Variants in TBC1D19 observed in about 807,000 individuals in gnomAD.
TBC1D19 encodes the protein TBC1 domain family, member 19.
A neutral mutation model predicts 89.0 loss-of-function variants in TBC1D19; 60 were observed. That is an observed-to-expected ratio of 0.67 (90% CI 0.55 to 0.84). TBC1D19 has a LOEUF of 0.84. TBC1D19 is among the 40% of genes least tolerant of loss of function. The probability of loss-of-function intolerance (pLI) is 0.00; values close to 1 mark genes in which losing one functional copy is unlikely to be tolerated. For missense variants in TBC1D19, 500 were observed against 610.8 expected, an observed-to-expected ratio of 0.82 and a Z score of 1.91; for synonymous variants, 189 against 199.7, an observed-to-expected ratio of 0.95 and a Z score of 0.45.
At chr4:26,598,055 T>C (rs1024715589) in intron 1 of TBC1D19, among the ~76,000 whole-genome samples, 5 of 152,200 alleles carry the variant, frequency 3.3e-5, no homozygotes, top group African/African-American at 1.2e-4. Context: ...TCTGTATATA[T>C]TTTACATTTC....
the TBC1D19 span, among the ~76,000 whole-genome samples, chr4:26,854,184 CAG>C: frequency 8.7e-4 from 132 of 152,276 alleles, 1 homozygote; most frequent in Non-Finnish European, 1.7e-3. Context: ...TTAACTATAC[CAG>C]AGACTGTGGA....
chr4:26,682,284 T>G (rs1713414755), intron 11 of TBC1D19, among the ~76,000 whole-genome samples: 1 of 152,158 alleles, frequency 6.6e-6, no homozygotes, highest in South Asian at 2.1e-4. Flanking sequence ...TAAAATAATT[T>G]TGCTTTAGTT....
rs1226525646 is a variant in TBC1D19 at position 26,640,284 on chromosome 4, AAAAGCCCCAGAGTCACT to A, written c.480+98_480+114del. Reference sequence around the variant, plus strand: ...ATCAAGGCAGAGGGATTAGCATGTAAAAAGCCCCAGAGTCACTGAAGCAGTAGAATGACATGATCAGA... The same window carrying A: ...ATCAAGGCAGAGGGATTAGCATGTAAGAAGCAGTAGAATGACATGATCAGA... On this transcript the variant is annotated intron_variant, in intron 7 of 20. Transcript: ENST00000264866. 5 of 1,013,702 alleles carry A rather than the reference AAAAGCCCCAGAGTCACT, an allele frequency of 4.9e-6. No homozygotes were observed. In the East Asian group the frequency reaches 9.8e-5, roughly 20 times the overall value. The allele number at this position is 1,013,702 out of a possible 1,614,324, so 62.8% of individuals were successfully genotyped here.
the TBC1D19 span, among the ~76,000 whole-genome samples, chr4:26,834,659 C>A: frequency 2.0e-5 from 3 of 152,088 alleles, no homozygotes; most frequent in African/African-American, 7.2e-5. Context: ...AAACTACTCA[C>A]CCCCAGTCCT....
chr4:26,854,360 G>A, the TBC1D19 span, among the ~76,000 whole-genome samples: 4 of 152,088 alleles, frequency 2.6e-5, no homozygotes, highest in Admixed American at 6.6e-5. Flanking sequence ...TATAGTACCC[G>A]ACCCTAAAAT....
intron 1 of TBC1D19, among the ~76,000 whole-genome samples, chr4:26,607,375 C>T (rs1295214628): frequency 6.6e-6 from 1 of 152,138 alleles, no homozygotes; most frequent in Non-Finnish European, 1.5e-5. Flanking sequence ...TGCACAGCAA[C>T]TTTAATTTAT....
the TBC1D19 span, among the ~76,000 whole-genome samples, chr4:26,769,115 A>G: frequency 6.6e-6 from 1 of 152,144 alleles, no homozygotes; most frequent in Non-Finnish European, 1.5e-5. Context: ...ACATATTACA[A>G]GCTAGAAGGC....
rs979917509 is a variant in TBC1D19, at chr4:26,594,284, G to C, written c.99+9992G>C. Among the ~76,000 whole-genome samples the C allele has an allele frequency of 2.0e-5, 3 of 152,084 alleles. No homozygotes were observed. The South Asian group carries it at 6.2e-4, about 32-fold the overall frequency. ...ATGTTCTCACTCATAGGTGGGAATT[G>C]AACAATGAGAACACATGGACACAGG... On this transcript the variant is annotated intron_variant, in intron 1 of 20. Coordinates refer to ENST00000264866, the MANE Select transcript of TBC1D19 (RefSeq NM_018317.4).
the TBC1D19 span, among the ~76,000 whole-genome samples, chr4:26,834,475 C>T: frequency 1.1e-3 from 166 of 151,950 alleles, no homozygotes; most frequent in Non-Finnish European, 2.1e-3. Flanking sequence ...AAGCTGGGGG[C>T]ATCAGATTTT....
chr4:26,579,957 T>C (rs1463036573), upstream of TBC1D19, among the ~76,000 whole-genome samples: 1 of 152,178 alleles, frequency 6.6e-6, no homozygotes, highest in Non-Finnish European at 1.5e-5. Context: ...GCTTAGAAAC[T>C]TGATGTTTCT....
intron 13 of TBC1D19, among the ~76,000 whole-genome samples, chr4:26,706,912 T>A (rs1247366289): frequency 1.3e-5 from 2 of 152,068 alleles, no homozygotes; most frequent in Non-Finnish European, 2.9e-5. Flanking sequence ...TCTCTGTTTT[T>A]TAAAAATCTA....
the TBC1D19 span, among the ~76,000 whole-genome samples, chr4:26,807,749 C>A: frequency 6.6e-6 from 1 of 152,282 alleles, no homozygotes; most frequent in African/African-American, 2.4e-5. Flanking sequence ...TTCTCTAGGC[C>A]AGGCCATGGG....
At chr4:26,588,260 C>T (rs1017410008) in intron 1 of TBC1D19, among the ~76,000 whole-genome samples, 1 of 151,976 alleles carries the variant, frequency 6.6e-6, no homozygotes, top group East Asian at 1.9e-4. Flanking sequence ...CTCCTGACCT[C>T]GTGATCCGCC....
chr4:26,843,916 T>A, the TBC1D19 span, among the ~76,000 whole-genome samples: 1 of 151,842 alleles, frequency 6.6e-6, no homozygotes, highest in Non-Finnish European at 1.5e-5. Context: ...TGCCACACAC[T>A]CTCAAACAAC....
intron 16 of TBC1D19, among the ~76,000 whole-genome samples, chr4:26,735,722 A>G (rs1307583481): frequency 2.6e-5 from 4 of 152,152 alleles, no homozygotes; most frequent in African/African-American, 9.7e-5. Flanking sequence ...AATCACCCAC[A>G]AGTTATTATG....
intron 13 of TBC1D19, among the ~76,000 whole-genome samples, chr4:26,690,275 T>C (rs542132376): frequency 6.6e-6 from 1 of 152,266 alleles, no homozygotes; most frequent in Admixed American, 6.5e-5. Flanking sequence ...AAATGCCATC[T>C]CCATAACTTA....
chr4:26,577,960 C>G (rs557905475), intron 1 of TBC1D19, among the ~76,000 whole-genome samples: 3 of 152,284 alleles, frequency 2.0e-5, no homozygotes, highest in African/African-American at 7.2e-5. Context: ...GAGCTAAGAA[C>G]TATTGTCTTA....
intron 13 of TBC1D19, among the ~76,000 whole-genome samples, chr4:26,712,080 G>A (rs573453030): frequency 6.6e-6 from 1 of 152,114 alleles, no homozygotes; most frequent in African/African-American, 2.4e-5. Flanking sequence ...GCTAAACTAA[G>A]GGAAAGTTAA....
At chr4:26,595,893 C>G (rs1175110506) in intron 1 of TBC1D19, among the ~76,000 whole-genome samples, 1 of 152,060 alleles carries the variant, frequency 6.6e-6, no homozygotes, top group Non-Finnish European at 1.5e-5. Flanking sequence ...TGTGAATTCT[C>G]CAACTTTGTT....
Sources: gnomAD v4.1 joint callset for allele counts (sites outside exome capture counted in the v4.1 genomes callset) on GRCh38, gnomAD v4.1.1 for gene constraint, MANE v1.5 for transcripts, NCBI Gene and HGNC (gene_info 2026-07-23, HGNC 2026-07-21) for gene names.